The following PRKACB variants were observed in gnomAD, a reference collection of about 807,000 sequenced individuals.
PRKACB encodes protein kinase cAMP-activated catalytic subunit beta.
A neutral mutation model predicts 51.4 loss-of-function variants in PRKACB; 16 were observed. The ratio of observed to expected loss-of-function variants is 0.31; its 90% CI spans 0.21 to 0.47. PRKACB has a LOEUF of 0.47. Ranked by LOEUF, PRKACB falls within the 20% of genes least tolerant of loss-of-function variation. The pLI, the probability that PRKACB is intolerant of heterozygous loss-of-function variation, is 1.00. For missense variants in PRKACB, 309 were observed against 464.5 expected, an observed-to-expected ratio of 0.67 and a Z score of 3.08; for synonymous variants, 147 against 154.4, an observed-to-expected ratio of 0.95 and a Z score of 0.35.
chr1:84,231,332 A>C (rs1347335172), intron 9 of PRKACB, among the ~76,000 whole-genome samples: 2 of 152,180 alleles, frequency 1.3e-5, no homozygotes, highest in East Asian at 1.9e-4. Flanking sequence ...CCAGTATTTT[A>C]TTGAGGATTT....
At chr1:84,136,679 AGG>A (rs1652859570) in intron 1 of PRKACB, among the ~76,000 whole-genome samples, 1 of 152,230 alleles carries the variant, frequency 6.6e-6, no homozygotes, top group Admixed American at 6.5e-5. Context: ...TCACACTTGT[AGG>A]TATTTAACCG....
chr1:84,172,465 T>C (rs1423846683), intron 1 of PRKACB, among the ~76,000 whole-genome samples: 2 of 151,638 alleles, frequency 1.3e-5, no homozygotes, highest in East Asian at 3.9e-4. Context: ...AAACATGGCA[T>C]GGATGGCCTA....
intron 7 of PRKACB, among the ~76,000 whole-genome samples, chr1:84,201,843 T>C (rs930997937): frequency 2.0e-5 from 3 of 152,138 alleles, no homozygotes; most frequent in Admixed American, 6.6e-5. Flanking sequence ...ATAAACTATA[T>C]TAGCATGTTA....
intron 1 of PRKACB, among the ~76,000 whole-genome samples, chr1:84,169,418 T>G (rs12077806): frequency 6.6e-6 from 1 of 151,658 alleles, no homozygotes; most frequent in African/African-American, 2.4e-5. Flanking sequence ...GAAAAAGTTG[T>G]AAGAAATAAA....
chr1:84,111,696 C>G (rs2100846267), intron 1 of PRKACB, among the ~76,000 whole-genome samples: 1 of 151,794 alleles, frequency 6.6e-6, no homozygotes, highest in African/African-American at 2.4e-5. Flanking sequence ...TATTACAAAC[C>G]TGCACATGTA....
At chr1:84,146,144 T>G (rs200802696) in intron 1 of PRKACB, among the ~76,000 whole-genome samples, 108 of 82,450 alleles carry the variant, frequency 1.3e-3, no homozygotes, top group Middle Eastern at 0.014. Flanking sequence ...AATGCTGTTT[T>G]GTTTTTTTTT....
intron 9 of PRKACB, among the ~76,000 whole-genome samples, chr1:84,229,088 C>G (rs539504267): frequency 5.5e-5 from 7 of 128,216 alleles, no homozygotes; most frequent in Non-Finnish European, 1.1e-4. Context: ...CCCCTCCCCC[C>G]ACCCCGTAAC....
intron 1 of PRKACB, among the ~76,000 whole-genome samples, chr1:84,137,823 G>A (rs1024316682): frequency 1.5e-4 from 23 of 152,262 alleles, no homozygotes; most frequent in African/African-American, 5.3e-4. Flanking sequence ...TGGGAGCCAG[G>A]TTTCTCTCTA....
intron 9 of PRKACB, among the ~76,000 whole-genome samples, chr1:84,223,240 A>T (rs192912120): frequency 7.2e-5 from 11 of 151,834 alleles, no homozygotes; most frequent in Admixed American, 5.2e-4. Context: ...GTCTGTCTGA[A>T]TTATTTCAGA....
intron 1 of PRKACB, among the ~76,000 whole-genome samples, chr1:84,137,893 C>T (rs1198699534): frequency 2.0e-5 from 3 of 152,090 alleles, no homozygotes; most frequent in African/African-American, 7.2e-5. Flanking sequence ...TGTAGTAATG[C>T]ATTAGAGTTG....
intron 8 of PRKACB, among the ~76,000 whole-genome samples, chr1:84,212,242 A>G (rs764434380): frequency 1.7e-4 from 26 of 152,122 alleles, no homozygotes; most frequent in African/African-American, 5.5e-4. Context: ...TTCAGGCCCA[A>G]TGCCCCCATC....
intron 1 of PRKACB, among the ~76,000 whole-genome samples, chr1:84,124,790 G>T (rs1571679959): frequency 6.6e-6 from 1 of 152,272 alleles, no homozygotes; most frequent in East Asian, 1.9e-4. Flanking sequence ...CCCATCTGGA[G>T]ATTTAGTTAT....
chr1:84,225,337 A>G (rs765313271), intron 9 of PRKACB, among the ~76,000 whole-genome samples: 2 of 152,182 alleles, frequency 1.3e-5, no homozygotes, highest in East Asian at 3.9e-4. Context: ...GGCCCCAGGC[A>G]GGAGGCCCTC....
In PRKACB at chr1:84,119,677, C is replaced by T. The variant is rs78628457; in HGVS notation, c.46+41306C>T. On this transcript the variant is annotated intron_variant, in intron 1 of 8. Coordinates refer to the PRKACB transcript ENST00000370688. ...TACTAAATTATAAAGTTAATGACCA[C>T]GCCTTATGTAAAATTCCTGGGGAAA... is the stretch of plus-strand genomic sequence containing the variant. Among the ~76,000 whole-genome samples, 582 of 152,146 alleles carry T rather than the reference C, an allele frequency of 3.8e-3. 3 individuals are homozygous for T. Among genetic ancestry groups the T allele is most frequent in the African/African-American group, 0.012 (517 of 41,530 alleles).
intron 1 of PRKACB, among the ~76,000 whole-genome samples, chr1:84,107,067 T>C (rs1649812426): frequency 6.6e-6 from 1 of 152,098 alleles, no homozygotes; most frequent in African/African-American, 2.4e-5. Context: ...CAAAATAATC[T>C]GTACACCACA....
intron 1 of PRKACB, among the ~76,000 whole-genome samples, chr1:84,083,558 C>A (rs985458623): frequency 4.6e-5 from 7 of 152,188 alleles, no homozygotes; most frequent in African/African-American, 1.7e-4. Context: ...CTAGATAAGC[C>A]AGGATAGCTA....
chr1:84,110,242 CAA>C (rs1650113275), intron 1 of PRKACB, among the ~76,000 whole-genome samples: 1 of 151,612 alleles, frequency 6.6e-6, no homozygotes, highest in Non-Finnish European at 1.5e-5. Context: ...AAATAAAAAA[CAA>C]TACAGTATAA....
rs145210231 is a variant in PRKACB, at chr1:84,093,179, G to A, written c.46+14808G>A. Among the ~76,000 whole-genome samples, 256 of 151,900 alleles carry A rather than the reference G, an allele frequency of 1.7e-3. 1 individual carries two copies. Among genetic ancestry groups the A allele is most frequent in the East Asian group, 0.011 (56 of 5,176 alleles). On this transcript the variant is annotated intron_variant, in intron 1 of 8. Coordinates refer to the PRKACB transcript ENST00000370688. The stretch of plus-strand genomic sequence containing the variant: ...TCTTTAAGAAGTTCTCACTACCCTA[G>A]GGTCATAGATATTTTCCTATGTTAG...
intron 1 of PRKACB, among the ~76,000 whole-genome samples, chr1:84,096,928 C>T (rs1648967597): frequency 6.6e-6 from 1 of 151,978 alleles, no homozygotes; most frequent in Non-Finnish European, 1.5e-5. Context: ...CAGATGTAAC[C>T]ACTATTCTTA....
Sources: allele counts gnomAD v4.1 joint callset (sites outside exome capture counted in the v4.1 genomes callset), GRCh38; gene constraint gnomAD v4.1.1; transcripts MANE v1.5; gene names NCBI Gene and HGNC (gene_info 2026-07-23, HGNC 2026-07-21).